The following SDK1 variants were observed in gnomAD, a reference collection of about 807,000 sequenced individuals.
The protein encoded by SDK1 is sidekick cell adhesion molecule 1.
A neutral mutation model predicts 245.5 loss-of-function variants in SDK1; 157 were observed. The ratio of observed to expected loss-of-function variants is 0.64; its 90% CI spans 0.56 to 0.73. The LOEUF is 0.73. Among genes scored for constraint, SDK1 ranks in the 30% least tolerant of loss-of-function variants. The pLI is 0.00. For synonymous variants in SDK1, 1,647 were observed against 1,278.5 expected, an observed-to-expected ratio of 1.29 and a Z score of -6.15; for missense variants, 3,583 against 3,002.3, an observed-to-expected ratio of 1.19 and a Z score of -4.52.
chr7:4,072,965 C>G (rs1481724350), intron 20 of SDK1, among the ~76,000 whole-genome samples: 1 of 152,260 alleles, frequency 6.6e-6, no homozygotes, highest in Non-Finnish European at 1.5e-5. Flanking sequence ...CACTCTCCTT[C>G]AGTAAACTCT....
At chr7:3,989,422 T>G (rs1366214269) in intron 14 of SDK1, among the ~76,000 whole-genome samples, 1 of 152,102 alleles carries the variant, frequency 6.6e-6, no homozygotes, top group African/African-American at 2.4e-5. Flanking sequence ...AAGATGAGAT[T>G]TGGGTGGGGA....
intron 1 of SDK1, among the ~76,000 whole-genome samples, chr7:3,570,984 A>G (rs1312818417): frequency 6.6e-6 from 1 of 152,064 alleles, no homozygotes; most frequent in Non-Finnish European, 1.5e-5. Context: ...CACTTAAAGT[A>G]CACACGTTTG....
intron 1 of SDK1, among the ~76,000 whole-genome samples, chr7:3,577,299 G>T (rs1483093756): frequency 6.6e-6 from 1 of 152,076 alleles, no homozygotes; most frequent in Non-Finnish European, 1.5e-5. Context: ...GATTGGTTCT[G>T]TTATTTACAC....
chr7:3,890,739 C>G (rs1353326305), intron 5 of SDK1, among the ~76,000 whole-genome samples: 1 of 151,534 alleles, frequency 6.6e-6, no homozygotes, highest in Non-Finnish European at 1.5e-5. Flanking sequence ...GTCAGGAGTT[C>G]GAGACGAGCC....
chr7:4,235,640 T>G (rs1562466007), intron 41 of SDK1, among the ~76,000 whole-genome samples: 1 of 152,170 alleles, frequency 6.6e-6, no homozygotes, highest in Non-Finnish European at 1.5e-5. Flanking sequence ...CTGTGGAAAA[T>G]TGGTACAGAG....
intron 12 of SDK1, among the ~76,000 whole-genome samples, chr7:3,972,283 G>A (rs1782549590): frequency 6.6e-6 from 1 of 152,108 alleles, no homozygotes; most frequent in African/African-American, 2.4e-5. Context: ...GTTTCACCAT[G>A]TTAGCCAGGA....
intron 1 of SDK1, among the ~76,000 whole-genome samples, chr7:3,468,108 G>A (rs1234136762): frequency 6.6e-6 from 1 of 152,120 alleles, no homozygotes; most frequent in Non-Finnish European, 1.5e-5. Context: ...AAAGCAGAGA[G>A]AAATCATTCA....
At chr7:3,895,274 G>A (rs1583524460) in intron 5 of SDK1, among the ~76,000 whole-genome samples, 1 of 152,010 alleles carries the variant, frequency 6.6e-6, no homozygotes, top group Admixed American at 6.6e-5. Context: ...CCTTACTTTT[G>A]TATGACCATT....
chr7:3,764,345 T>G (rs1780190016), intron 4 of SDK1, among the ~76,000 whole-genome samples: 1 of 152,162 alleles, frequency 6.6e-6, no homozygotes, highest in Admixed American at 6.5e-5. Context: ...CAACAAATAT[T>G]TAATCATGGC....
At chr7:3,840,423 G>T (rs1370835935) in intron 5 of SDK1, among the ~76,000 whole-genome samples, 1 of 152,094 alleles carries the variant, frequency 6.6e-6, no homozygotes, top group Non-Finnish European at 1.5e-5. Context: ...CTTTGTTTTA[G>T]TCCTCAGGTG....
rs185984149 is a variant in SDK1 at position 4,052,544 on chromosome 7, G to A, written c.2911+714G>A. On this transcript the variant is annotated intron_variant, in intron 19 of 44. Transcript: ENST00000404826. ...AACGAAACTCTGAAGATCAAAAATT[G>A]TGCGCAAAAATGGTCATGATATAAC... Among the ~76,000 whole-genome samples the A allele has an allele frequency of 5.9e-5, 9 of 152,144 alleles. No individual in the cohort carries two copies. In the East Asian group the frequency reaches 1.5e-3, roughly 26 times the overall value.
intron 5 of SDK1, among the ~76,000 whole-genome samples, chr7:3,903,349 T>C (rs958292810): frequency 6.6e-6 from 1 of 152,110 alleles, no homozygotes; most frequent in Non-Finnish European, 1.5e-5. Context: ...TTCACCGTGT[T>C]AGCCAGGATG....
In SDK1 at chr7:3,751,569, T is replaced by G. The variant is rs574103860; in HGVS notation, c.714-69881T>G. ...TCCCGTCATTGCCCAGTAAGGATGC[T>G]TTTTACAGGCCTGGATCATGGTCAG... On this transcript the variant is annotated intron_variant, in intron 4 of 44. Coordinates refer to ENST00000404826, the MANE Select transcript of SDK1 (RefSeq NM_152744.4). Among the ~76,000 whole-genome samples the G allele has an allele frequency of 6.6e-5, 10 of 152,244 alleles. No homozygotes were observed. In the South Asian group the frequency reaches 2.1e-3, roughly 32 times the overall value.
At chr7:4,186,141 C>T (rs1319362727) in intron 35 of SDK1, among the ~76,000 whole-genome samples, 2 of 152,264 alleles carry the variant, frequency 1.3e-5, no homozygotes, top group African/African-American at 4.8e-5. Context: ...GCCTCACACA[C>T]CAAACAAAGC....
At chr7:4,252,431 C>G (rs1267711299) in intron 44 of SDK1, among the ~76,000 whole-genome samples, 1 of 152,056 alleles carries the variant, frequency 6.6e-6, no homozygotes, top group African/African-American at 2.4e-5. Context: ...TGTATATGTG[C>G]CACATTTTCT....
At chr7:3,721,049 G>A (rs1299454840) in intron 4 of SDK1, among the ~76,000 whole-genome samples, 1 of 152,156 alleles carries the variant, frequency 6.6e-6, no homozygotes, top group East Asian at 1.9e-4. Flanking sequence ...GATCCCTCAA[G>A]TTACACAGTT....
chr7:4,226,627 A>G (rs1026800783), intron 40 of SDK1, among the ~76,000 whole-genome samples: 1 of 152,118 alleles, frequency 6.6e-6, no homozygotes, highest in African/African-American at 2.4e-5. Context: ...GCCCAAGGAC[A>G]CCGCCACCAG....
chr7:4,149,513 T>C (rs759271687), intron 30 of SDK1, 50 bp downstream of exon 30: 10 of 1,276,968 alleles, frequency 7.8e-6, no homozygotes, highest in Non-Finnish European at 1.0e-5. Context: ...CCTGGCCGCC[T>C]CCAGCCAGCT....
intron 44 of SDK1, among the ~76,000 whole-genome samples, chr7:4,247,870 T>C (rs1208545626): frequency 6.6e-6 from 1 of 152,158 alleles, no homozygotes; most frequent in Non-Finnish European, 1.5e-5. Flanking sequence ...CAGAGCTCAG[T>C]GTACCCCTTC....
Sources: allele counts gnomAD v4.1 joint callset (sites outside exome capture counted in the v4.1 genomes callset), GRCh38; gene constraint gnomAD v4.1.1; transcripts MANE v1.5; gene names NCBI Gene and HGNC (gene_info 2026-07-23, HGNC 2026-07-21).